The following NRG2 variants were observed in gnomAD, a reference collection of about 807,000 sequenced individuals.
NRG2 encodes the protein neuregulin 2.
Under a neutral mutation model 73.9 loss-of-function variants are expected in NRG2, and 27 were observed. That is an observed-to-expected ratio of 0.37 (90% CI 0.27 to 0.50). NRG2 has a LOEUF of 0.50. NRG2 is among the 20% of genes least tolerant of loss of function. NRG2 has a pLI of 0.96. For missense variants in NRG2, 1,126 were observed against 1,210.1 expected, an observed-to-expected ratio of 0.93 and a Z score of 1.03; for synonymous variants, 532 against 541.0, an observed-to-expected ratio of 0.98 and a Z score of 0.23.
intron 2 of NRG2, 84 bp from the exon 3 acceptor site, chr5:139,881,058 C>T: frequency 1.8e-6 from 2 of 1,082,810 alleles, no homozygotes; most frequent in Non-Finnish European, 2.8e-6. Flanking sequence ...GGTTGCCTCT[C>T]TCCACAGAGC....
intron 1 of NRG2, among the ~76,000 whole-genome samples, chr5:139,937,138 C>T (rs1421802944): frequency 6.6e-6 from 1 of 152,168 alleles, no homozygotes. Flanking sequence ...AAGGATAATA[C>T]ATTATGATCA....
At chr5:139,906,994 CGT>C (rs1249323064) in intron 1 of NRG2, among the ~76,000 whole-genome samples, 3 of 151,712 alleles carry the variant, frequency 2.0e-5, no homozygotes, top group Non-Finnish European at 4.4e-5. Flanking sequence ...TGTGTGTGTG[CGT>C]GTGTGTGCAT....
At chr5:139,867,126 G>A (rs1258232087) in intron 4 of NRG2, among the ~76,000 whole-genome samples, 2 of 152,138 alleles carry the variant, frequency 1.3e-5, no homozygotes, top group Non-Finnish European at 2.9e-5. Context: ...CAACTGTCAG[G>A]AAGCCACTTA....
chr5:139,946,764 ACT>A (rs1472834415), intron 1 of NRG2, among the ~76,000 whole-genome samples: 1 of 152,168 alleles, frequency 6.6e-6, no homozygotes. Context: ...AATGCTTACA[ACT>A]CAACAACAAT....
At chr5:139,871,871 C>A in intron 3 of NRG2, 30 bp from the exon 4 acceptor site, 1 of 1,609,384 alleles carries the variant, frequency 6.2e-7, no homozygotes, top group Non-Finnish European at 8.5e-7. Context: ...GTGCCAGTGA[C>A]GCACTGAGAC....
intron 1 of NRG2, among the ~76,000 whole-genome samples, chr5:139,948,965 T>C (rs1219082126): frequency 6.6e-6 from 1 of 151,984 alleles, no homozygotes; most frequent in Non-Finnish European, 1.5e-5. Flanking sequence ...CATGTTCAAT[T>C]AACAAAGCCT....
intron 1 of NRG2, among the ~76,000 whole-genome samples, chr5:139,899,672 C>T (rs1000965438): frequency 1.3e-5 from 2 of 152,208 alleles, no homozygotes; most frequent in African/African-American, 2.4e-5. Flanking sequence ...GGCAGGGACT[C>T]GACCCACTTA....
At chr5:140,003,928 ATCACC>A (rs766658052) in intron 1 of NRG2, among the ~76,000 whole-genome samples, 48 of 152,296 alleles carry the variant, frequency 3.2e-4, no homozygotes, top group East Asian at 2.7e-3. Context: ...TCAACTTCAC[ATCACC>A]TCCCCAATTA....
At chr5:139,945,099 CTG>C (rs1213520722) in intron 1 of NRG2, among the ~76,000 whole-genome samples, 1 of 151,684 alleles carries the variant, frequency 6.6e-6, no homozygotes, top group East Asian at 1.9e-4. Context: ...TTTAATCGAA[CTG>C]TATGTTTTCC....
Position 139,848,588 on chromosome 5 carries a change from C to T in NRG2, c.1882G>A (p.Ala628Thr), listed in dbSNP as rs778354049. The T allele has an allele frequency of 1.9e-6, 3 of 1,566,010 alleles. No homozygotes were observed. Among genetic ancestry groups the T allele is most frequent in the South Asian group, 1.1e-5 (1 of 87,314 alleles). ...GGCGCCGCCGGCGGCAGCGACACGG[C>T]GTGCGCCGAGTTGGGGGACGTGATC... ...FEITSPNSAHAVSLPPAAPIS... is the reference protein window; with the variant it reads ...FEITSPNSAHTVSLPPAAPIS... The change falls in exon 10 of 10, where the codon GCC becomes ACC. Residue 628 changes from alanine to threonine, a missense_variant. This residue lies in a region of NRG2 where 402 missense variants were observed against 357.8 expected (regional missense o/e 1.12). Transcript: ENST00000361474.
At chr5:140,000,179 G>A (rs1359189346) in intron 1 of NRG2, among the ~76,000 whole-genome samples, 1 of 152,204 alleles carries the variant, frequency 6.6e-6, no homozygotes, top group Admixed American at 6.5e-5. Flanking sequence ...TAGATCTTGA[G>A]TCTGGAGGTT....
At position 139,904,891 on chromosome 5, in the gene NRG2, C is replaced by G. The variant is rs1263404653; in HGVS notation, c.701-17380G>C. On this transcript the variant is annotated intron_variant, in intron 1 of 9. Transcript: ENST00000361474. This position sits in a 1 kb window ranked among gnomAD's most constrained non-coding sequence, Gnocchi z 6.0. ...AGCACCCTTGGCTCTTGCGGTGGGTCTCCACAACCTCGAGGCACCCCCGGC... is the reference window on the plus strand; with the variant it reads ...AGCACCCTTGGCTCTTGCGGTGGGTGTCCACAACCTCGAGGCACCCCCGGC... Among the ~76,000 whole-genome samples, 1 of 152,204 alleles carries G rather than the reference C, an allele frequency of 6.6e-6. No individual in the cohort carries two copies. Among genetic ancestry groups the G allele is most frequent in the Non-Finnish European group, 1.5e-5 (1 of 68,020 alleles).
At chr5:139,929,280 T>C (rs1752285664) in intron 1 of NRG2, among the ~76,000 whole-genome samples, 1 of 152,216 alleles carries the variant, frequency 6.6e-6, no homozygotes, top group Admixed American at 6.5e-5. Flanking sequence ...CCTCATGCCA[T>C]ATCTGCTATT....
In NRG2 at chr5:139,858,001, A is replaced by G. The variant is rs570521525; in HGVS notation, c.1190-2223T>C. Among the ~76,000 whole-genome samples, 6 of 151,658 alleles carry G rather than the reference A, an allele frequency of 4.0e-5. No individual in the cohort carries two copies. The East Asian group carries it at 9.7e-4, about 25-fold the overall frequency. ...GGTCTTTCTGCTTCCACTCCTCCCC[A>G]CCCTGCCCCCAGCCCAGGCTGTTGT... is the stretch of plus-strand genomic sequence containing the variant. On this transcript the variant is annotated intron_variant, in intron 5 of 9. Coordinates refer to ENST00000361474, the MANE Select transcript of NRG2 (RefSeq NM_004883.3).
chr5:139,922,528 T>C (rs1751751375), intron 1 of NRG2, among the ~76,000 whole-genome samples: 1 of 152,220 alleles, frequency 6.6e-6, no homozygotes, highest in East Asian at 1.9e-4. Flanking sequence ...AGTCACTTTG[T>C]AAGACAGTTT....
chr5:140,019,902 C>T (rs1005907310), intron 1 of NRG2, among the ~76,000 whole-genome samples: 3 of 152,148 alleles, frequency 2.0e-5, no homozygotes, highest in Admixed American at 6.5e-5. Context: ...CAGGCACCTA[C>T]CTCCACGCCC....
At chr5:140,037,776 C>T (rs533072861) in intron 1 of NRG2, among the ~76,000 whole-genome samples, 5 of 152,046 alleles carry the variant, frequency 3.3e-5, no homozygotes, top group South Asian at 2.1e-4. Context: ...GGCGCGGTGG[C>T]GGGTGCCTGT....
chr5:139,945,041 G>A (rs1753706042), intron 1 of NRG2, among the ~76,000 whole-genome samples: 1 of 152,008 alleles, frequency 6.6e-6, no homozygotes, highest in Non-Finnish European at 1.5e-5. Flanking sequence ...GTGGCCTTTT[G>A]TATGTCTTCT....
At chr5:139,859,672 C>A (rs1033724494) in intron 5 of NRG2, among the ~76,000 whole-genome samples, 1 of 152,142 alleles carries the variant, frequency 6.6e-6, no homozygotes, top group Non-Finnish European at 1.5e-5. Context: ...GGCAACGGTC[C>A]GAACCCCTGA....
Sources: gnomAD v4.1 joint callset for allele counts (sites outside exome capture counted in the v4.1 genomes callset) on GRCh38, gnomAD v4.1.1 for gene constraint, gnomAD v4.1.1 regional missense constraint, Gnocchi (gnomAD v3.1) non-coding constraint, MANE v1.5 for transcripts, NCBI Gene and HGNC (gene_info 2026-07-23, HGNC 2026-07-21) for gene names.